Variants in SAMMSON observed in about 807,000 individuals in gnomAD.
SAMMSON encodes the protein survival associated mitochondrial melanoma specific oncogenic non-coding RNA.
At chr3:70,317,961 C>G (rs1463103221) in intron 7 of SAMMSON, among the ~76,000 whole-genome samples, 1 of 151,600 alleles carries the variant, frequency 6.6e-6, no homozygotes, top group Non-Finnish European at 1.5e-5. Flanking sequence ...CTCTCTCTTT[C>G]TCTTTTTAAA....
chr3:70,093,355 C>G (rs1219672857), intron 4 of SAMMSON, among the ~76,000 whole-genome samples: 2 of 152,100 alleles, frequency 1.3e-5, no homozygotes, highest in African/African-American at 4.8e-5. Flanking sequence ...AAAAACTAAA[C>G]AAGAGCTGCA....
intron 2 of SAMMSON, among the ~76,000 whole-genome samples, chr3:70,397,336 A>C (rs1701100814): frequency 5.3e-5 from 8 of 151,982 alleles, no homozygotes. Flanking sequence ...ACGGGGTCTC[A>C]CTTCATCACC....
chr3:70,279,065 A>G (rs1357271), intron 6 of SAMMSON, among the ~76,000 whole-genome samples: 80,954 of 148,110 alleles, frequency 0.55, 22,600 homozygotes, highest in Middle Eastern at 0.63. Flanking sequence ...CTTTCCTAAC[A>G]TCTTCTCATT....
At chr3:70,013,401 G>A (rs12495615) in intron 2 of SAMMSON, 58,778 of 151,962 alleles carry the variant, frequency 0.39, 11,793 homozygotes, top group East Asian at 0.61. Context: ...AGTCAGTCAT[G>A]TTGCTTTATG....
At chr3:70,326,786 A>G (rs891968648) in intron 7 of SAMMSON, among the ~76,000 whole-genome samples, 1 of 152,230 alleles carries the variant, frequency 6.6e-6, no homozygotes, top group Non-Finnish European at 1.5e-5. Flanking sequence ...TGATAGCAAG[A>G]CAGTCATGGA....
chr3:70,154,381 TACA>T (rs1246959597), intron 4 of SAMMSON, among the ~76,000 whole-genome samples: 1 of 152,054 alleles, frequency 6.6e-6, no homozygotes, highest in African/African-American at 2.4e-5. Flanking sequence ...CCTATGACCA[TACA>T]ACAAGTAAGT....
chr3:70,122,242 G>A (rs1187626545), intron 4 of SAMMSON, among the ~76,000 whole-genome samples: 1 of 152,116 alleles, frequency 6.6e-6, no homozygotes, highest in Admixed American at 6.5e-5. Flanking sequence ...ACCCAGGCCG[G>A]AGTGTAGTGG....
intron 4 of SAMMSON, among the ~76,000 whole-genome samples, chr3:70,236,346 A>G (rs1450885923): frequency 1.3e-5 from 2 of 152,140 alleles, no homozygotes; most frequent in Non-Finnish European, 2.9e-5. Flanking sequence ...TTGTTCACTC[A>G]TATATATTCA....
chr3:70,371,935 T>A (rs186086106), intron 9 of SAMMSON, among the ~76,000 whole-genome samples: 68 of 152,236 alleles, frequency 4.5e-4, no homozygotes, highest in Middle Eastern at 3.4e-3. Context: ...AATGCTTTCA[T>A]CTTTTCCCCA....
chr3:70,361,694 A>C (rs1231489321), intron 9 of SAMMSON, among the ~76,000 whole-genome samples: 3 of 152,210 alleles, frequency 2.0e-5, no homozygotes, highest in Non-Finnish European at 4.4e-5. Flanking sequence ...GTCATGCATC[A>C]TTTATCCATG....
At chr3:70,320,009 C>T (rs1217661943) in intron 7 of SAMMSON, among the ~76,000 whole-genome samples, 1 of 151,834 alleles carries the variant, frequency 6.6e-6, no homozygotes, top group Non-Finnish European at 1.5e-5. Flanking sequence ...AACATGGTGT[C>T]CGAGTACCAG....
intron 4 of SAMMSON, among the ~76,000 whole-genome samples, chr3:70,112,082 G>A (rs2067392102): frequency 6.6e-6 from 1 of 152,068 alleles, no homozygotes; most frequent in South Asian, 2.1e-4. Flanking sequence ...TCAGATTGAA[G>A]AATTACATTG....
intron 4 of SAMMSON, among the ~76,000 whole-genome samples, chr3:70,239,642 T>C (rs2106640467): frequency 6.6e-6 from 1 of 152,318 alleles, no homozygotes; most frequent in South Asian, 2.1e-4. Context: ...TAGACCTCAG[T>C]TTCCTCTTTG....
intron 2 of SAMMSON, among the ~76,000 whole-genome samples, chr3:70,403,532 T>C (rs1451581875): frequency 1.3e-5 from 2 of 152,218 alleles, no homozygotes; most frequent in Non-Finnish European, 2.9e-5. Flanking sequence ...ACTCGCAGTC[T>C]CAATCTGCGT....
At chr3:70,137,778 T>C (rs908300623) in intron 4 of SAMMSON, 2 of 152,186 alleles carry the variant, frequency 1.3e-5, no homozygotes, top group Non-Finnish European at 2.9e-5. Flanking sequence ...TATAAAACAT[T>C]ATTGAAATTT....
intron 9 of SAMMSON, among the ~76,000 whole-genome samples, chr3:70,368,540 T>C (rs189148638): frequency 6.6e-6 from 1 of 151,678 alleles, no homozygotes; most frequent in Non-Finnish European, 1.5e-5. Flanking sequence ...AAATTTTGAG[T>C]TGATATTTGT....
intron 3 of SAMMSON, among the ~76,000 whole-genome samples, chr3:70,032,594 TTAA>T (rs936927622): frequency 3.3e-5 from 5 of 152,230 alleles, no homozygotes; most frequent in Admixed American, 2.0e-4. Flanking sequence ...ACGCTTTCTA[TTAA>T]TGAGTTGATA....
intron 6 of SAMMSON, among the ~76,000 whole-genome samples, chr3:70,286,465 T>G (rs556584404): frequency 9.2e-5 from 14 of 151,984 alleles, no homozygotes; most frequent in Non-Finnish European, 2.1e-4. Context: ...ACTGTAGCCT[T>G]GTAGTATAGT....
intron 4 of SAMMSON, among the ~76,000 whole-genome samples, chr3:70,092,902 G>GTTT (rs5849939): frequency 1.2e-4 from 16 of 138,150 alleles, no homozygotes; most frequent in Non-Finnish European, 1.2e-4. Context: ...TAGTGTTTTT[G>GTTT]TTTTTTTTTT....
Sources: gnomAD v4.1 joint callset for allele counts (sites outside exome capture counted in the v4.1 genomes callset) on GRCh38, gnomAD v4.1.1 for gene constraint, MANE v1.5 for transcripts, NCBI Gene and HGNC (gene_info 2026-07-23, HGNC 2026-07-21) for gene names.